Variants in LTBP1 observed in about 807,000 individuals in gnomAD.
LTBP1 encodes latent-transforming growth factor beta-binding protein 1.
In LTBP1, 129 loss-of-function variants were observed where a neutral mutation model predicts 207.6. That is an observed-to-expected ratio of 0.62 (90% CI 0.54 to 0.72). The LOEUF (loss-of-function observed/expected upper bound fraction) is 0.72, where lower values mean the gene tolerates loss of function less well. Ranked by LOEUF, LTBP1 falls within the 30% of genes least tolerant of loss-of-function variation. LTBP1 has a pLI of 0.00. For synonymous variants in LTBP1, 963 were observed against 833.7 expected (o/e 1.16, Z -2.67); for missense variants, 2,281 against 2,217.2 (o/e 1.03, Z -0.58).
chr2:33,334,520 G>A (rs577549549), intron 24 of LTBP1, among the ~76,000 whole-genome samples: 1 of 152,312 alleles, frequency 6.6e-6, no homozygotes, highest in African/African-American at 2.4e-5. Context: ...GAGAGGAAAG[G>A]AGAGACTGGA....
Position 33,347,728 on chromosome 2 carries a change from A to G in LTBP1, c.4000+218A>G, listed in dbSNP as rs73925698. The stretch of plus-strand genomic sequence containing the variant: ...TGGGCTAGATGGCCTCTAATGTTCT[A>G]TCCAAACCAGAGATGCCTCCAGTAA... On this transcript the variant is annotated intron_variant, in intron 26 of 33. Coordinates refer to ENST00000404816, the MANE Select transcript of LTBP1 (RefSeq NM_206943.4). Among the ~76,000 whole-genome samples, 6 of 152,310 alleles carry G rather than the reference A, an allele frequency of 3.9e-5. No individual in the cohort carries two copies. In the East Asian group the frequency reaches 1.2e-3, roughly 29 times the overall value.
At chr2:33,335,468 C>T (rs1231347139) in intron 24 of LTBP1, among the ~76,000 whole-genome samples, 5 of 152,188 alleles carry the variant, frequency 3.3e-5, no homozygotes, top group Non-Finnish European at 2.9e-5. Context: ...GGCTATATTC[C>T]CCAGCCTTGT....
intron 24 of LTBP1, among the ~76,000 whole-genome samples, chr2:33,323,703 C>T (rs1303690340): frequency 6.6e-6 from 1 of 152,144 alleles, no homozygotes; most frequent in Admixed American, 6.5e-5. Flanking sequence ...AGTTGGGGCA[C>T]AATACGCATT....
chr2:33,277,760 C>CTTTCTTT (rs1219527688), intron 18 of LTBP1, among the ~76,000 whole-genome samples: 13 of 95,466 alleles, frequency 1.4e-4, no homozygotes, highest in African/African-American at 2.7e-4. Context: ...TTTTTTTTTC[C>CTTTCTTT]CTTTCTTTCT....
In LTBP1 at chr2:33,187,071, G is replaced by A. The variant is rs1258464967; in HGVS notation, c.1417G>A (p.Gly473Arg). Residue 473 changes from glycine (G) to arginine (R), a missense_variant, in exon 6 of 34, where the codon GGA (glycine) becomes AGA (arginine). Physicochemically the swap from Gly to Arg is moderately radical, Grantham distance 125. Transcript: ENST00000404816. ...TLPLTVTSQQ[G>R]VKVKFPPNIV... The stretch of plus-strand genomic sequence containing the variant: ...GCCTCTGACCGTGACTAGCCAGCAA[G>A]GAGTCAAAGGTAAGCTTTTTTCATT... 1 of 1,613,810 alleles carries A rather than the reference G, an allele frequency of 6.2e-7. No homozygotes were observed.
chr2:33,342,915 C>T lies in LTBP1; in HGVS notation c.3808C>T (p.Leu1270Phe). The change falls in exon 25 of 34, where the codon CTC (leucine) becomes TTC (phenylalanine). Residue 1270 changes from leucine (L) to phenylalanine (F), a missense_variant. Leu to Phe is a conservative substitution (Grantham distance 22). This residue lies in a region of LTBP1 where 1,671 missense variants were observed against 1,634.8 expected (regional missense o/e 1.02). Transcript: ENST00000404816. ...CAATACAGCTGGCTCCTTCCGCTGC[C>T]TCTGTTATCAGGGCTTTCAAGCCCC... ...CDNTAGSFRC[L>F]CYQGFQAPQD... 6.2e-7 allele frequency: 1 copy of T among 1,614,106 alleles called. No individual in the cohort carries two copies. The highest frequency in any genetic ancestry group is 8.5e-7 in the Non-Finnish European group (1 of 1,179,964).
intron 9 of LTBP1, among the ~76,000 whole-genome samples, chr2:33,229,406 C>T (rs1241709742): frequency 2.0e-5 from 3 of 151,876 alleles, no homozygotes; most frequent in East Asian, 3.9e-4. Context: ...TCCGGGAGTT[C>T]GAGGCTGCAG....
chr2:33,010,737 T>G (rs940809737), intron 2 of LTBP1, among the ~76,000 whole-genome samples: 11 of 151,552 alleles, frequency 7.3e-5, no homozygotes, highest in Non-Finnish European at 1.2e-4. Context: ...TTTTTTTTTT[T>G]TGAGATGGAG....
intron 31 of LTBP1, among the ~76,000 whole-genome samples, chr2:33,367,411 A>G (rs1479957868): frequency 6.6e-6 from 1 of 150,556 alleles, no homozygotes; most frequent in East Asian, 2.0e-4. Flanking sequence ...CAAGTATTCC[A>G]TAGTGGTAAA....
At chr2:33,315,092 G>A (rs1002415649) in intron 23 of LTBP1, 52 bp from the exon 24 acceptor site, 1 of 1,463,104 alleles carries the variant, frequency 6.8e-7, no homozygotes, top group Non-Finnish European at 9.2e-7. Context: ...GATAGTATAT[G>A]GGAATGAAAC....
intron 4 of LTBP1, among the ~76,000 whole-genome samples, chr2:33,119,640 T>A (rs547398110): frequency 6.6e-6 from 1 of 152,296 alleles, no homozygotes; most frequent in Admixed American, 6.5e-5. Context: ...TACTGCAAGC[T>A]CCGCCTCCCG....
chr2:33,252,707 G>A lies in LTBP1; in HGVS notation c.2030G>A (p.Gly677Glu). The A allele has an allele frequency of 6.2e-7, 1 of 1,612,792 alleles. No homozygotes were observed. The highest frequency in any genetic ancestry group is 8.5e-7 in the Non-Finnish European group (1 of 1,179,116). ...CCCCCTGTGATCTCGGAAGAGAAAG[G>A]GCCCTGTTACCGACTTGTCAGTTCT... ...PDPPVISEEKGPCYRLVSSGR... is the reference protein window; with the variant it reads ...PDPPVISEEKEPCYRLVSSGR... The change falls in exon 11 of 34, where the codon GGG becomes GAG. Residue 677 changes from glycine to glutamate, a missense_variant. Gly to Glu is a moderately conservative substitution (Grantham distance 98, BLOSUM62 -2). This residue lies in a region of LTBP1 where 1,671 missense variants were observed against 1,634.8 expected (regional missense o/e 1.02). Transcript: ENST00000404816.
At chr2:33,257,243 G>A (rs781472906) in intron 11 of LTBP1, 41 bp from the exon 12 acceptor site, 2 of 1,498,294 alleles carry the variant, frequency 1.3e-6, no homozygotes. Context: ...AGTTTGCACT[G>A]TTAGATTTTT....
chr2:33,231,039 A>G (rs552010234), intron 9 of LTBP1, among the ~76,000 whole-genome samples: 1 of 152,336 alleles, frequency 6.6e-6, no homozygotes, highest in East Asian at 1.9e-4. Context: ...ACAAACATTA[A>G]TCGCTGGGGC....
intron 24 of LTBP1, among the ~76,000 whole-genome samples, chr2:33,331,650 G>A (rs1386447081): frequency 6.6e-6 from 1 of 152,014 alleles, no homozygotes; most frequent in African/African-American, 2.4e-5. Flanking sequence ...GTCCTTGTCT[G>A]CTTGAAAACA....
chr2:33,222,905 C>T (rs989822995), intron 9 of LTBP1, among the ~76,000 whole-genome samples: 1 of 152,068 alleles, frequency 6.6e-6, no homozygotes. Context: ...TTCTAATTTC[C>T]CTTTACATGT....
intron 4 of LTBP1, among the ~76,000 whole-genome samples, chr2:33,133,390 C>T (rs2081936542): frequency 6.6e-6 from 1 of 152,136 alleles, no homozygotes; most frequent in Admixed American, 6.5e-5. Context: ...GGAGTGGCGT[C>T]AGAAGGGCAC....
chr2:33,263,191 C>A, intron 14 of LTBP1, 103 bp from the exon 15 acceptor site: 1 of 729,916 alleles, frequency 1.4e-6, no homozygotes, highest in Non-Finnish European at 2.5e-6. Context: ...CTGACAAATG[C>A]TGTGATATAT....
At chr2:33,094,821 T>A (rs188854876) in intron 3 of LTBP1, among the ~76,000 whole-genome samples, 26 of 152,324 alleles carry the variant, frequency 1.7e-4, no homozygotes, top group African/African-American at 6.0e-4. Flanking sequence ...TGAGCTAATG[T>A]GCAAGGTAAT....
Sources: gnomAD v4.1 joint callset for allele counts (sites outside exome capture counted in the v4.1 genomes callset) on GRCh38, gnomAD v4.1.1 for gene constraint, gnomAD v4.1.1 regional missense constraint, MANE v1.5 for transcripts, NCBI Gene and HGNC (gene_info 2026-07-23, HGNC 2026-07-21) for gene names.